Variants in DPYD observed in about 807,000 individuals in gnomAD.
The protein encoded by DPYD is dihydropyrimidine dehydrogenase [NADP(+)].
A neutral mutation model predicts 116.2 loss-of-function variants in DPYD; 109 were observed. The observed-to-expected ratio is 0.94, with a 90% confidence interval of 0.80 to 1.10. The LOEUF is 1.10. Among genes scored for constraint, DPYD ranks in the 50% least tolerant of loss-of-function variants. The probability of loss-of-function intolerance (pLI) is 0.00; values close to 1 mark genes in which losing one functional copy is unlikely to be tolerated. For missense variants in DPYD, 1,302 were observed against 1,254.5 expected (o/e 1.04, Z -0.57); for synonymous variants, 440 against 432.0 (o/e 1.02, Z -0.23).
intron 14 of DPYD, among the ~76,000 whole-genome samples, chr1:97,418,933 G>T (rs578142050): frequency 7.2e-5 from 11 of 152,142 alleles, no homozygotes; most frequent in Admixed American, 6.5e-4. Flanking sequence ...ACTGAAAAAA[G>T]GAAAAGAAAT....
intron 18 of DPYD, among the ~76,000 whole-genome samples, chr1:97,289,172 C>A (rs1047348792): frequency 6.6e-6 from 1 of 152,080 alleles, no homozygotes; most frequent in African/African-American, 2.4e-5. Context: ...CAATAACAGG[C>A]TCTGAAATTG....
intron 21 of DPYD, among the ~76,000 whole-genome samples, chr1:97,092,637 G>A (rs181350875): frequency 7.6e-4 from 115 of 152,144 alleles, no homozygotes; most frequent in Middle Eastern, 3.4e-3. Flanking sequence ...AGTGGGCGTT[G>A]GAAATGTCAG....
intron 2 of DPYD, among the ~76,000 whole-genome samples, chr1:97,870,721 C>G (rs1671612903): frequency 6.6e-6 from 1 of 151,756 alleles, no homozygotes; most frequent in Non-Finnish European, 1.5e-5. Flanking sequence ...GCCAAGTGAG[C>G]TCTATGGAGT....
At chr1:97,494,436 A>G (rs1467233919) in intron 13 of DPYD, among the ~76,000 whole-genome samples, 1 of 152,224 alleles carries the variant, frequency 6.6e-6, no homozygotes, top group East Asian at 1.9e-4. Flanking sequence ...TCATTTTAAA[A>G]GGCTTCATAG....
chr1:97,769,462 T>A (rs1246577573), intron 3 of DPYD, among the ~76,000 whole-genome samples: 3 of 152,160 alleles, frequency 2.0e-5, no homozygotes, highest in Non-Finnish European at 2.9e-5. Flanking sequence ...TATGATTTCA[T>A]TTTAAATAAT....
intron 9 of DPYD, among the ~76,000 whole-genome samples, chr1:97,594,523 T>G (rs940248338): frequency 6.6e-6 from 1 of 152,224 alleles, no homozygotes; most frequent in East Asian, 1.9e-4. Flanking sequence ...TTAGATTATC[T>G]GACTTTGGAT....
At chr1:97,830,570 G>A (rs933623670) in intron 2 of DPYD, among the ~76,000 whole-genome samples, 2 of 152,090 alleles carry the variant, frequency 1.3e-5, no homozygotes, top group Non-Finnish European at 2.9e-5. Context: ...AATTAGCTGG[G>A]CATGGTGGGT....
rs528430685 is a variant in DPYD, at chr1:97,573,871, G to T, written c.1228C>A (p.Arg410=). 7.4e-6 allele frequency: 12 copies of T among 1,613,430 alleles called. No homozygotes were observed. Among genetic ancestry groups the T allele is most frequent in the East Asian group, 2.2e-5 (1 of 44,848 alleles). Residue 410 remains arginine, a synonymous_variant, in exon 11 of 23, where the codon CGG becomes AGG. Transcript: ENST00000370192. ...TTTCCAGTTTCATCTTGCTCTGTCC[G>T]AACAAACTGCATAGCAACAATTCTC... ...GGRIVAMQFV[R]TEQDETGKWN...
rs906165704 is a variant in DPYD, at chr1:97,607,484, G to A, written c.851-12318C>T. On this transcript the variant is annotated intron_variant, in intron 8 of 22. Transcript: ENST00000370192. ...ATCTGAAGCTCAGGAGGGAAATCCC[G>A]TCTAGATAAACAGATTTGAAAATTG... Among the ~76,000 whole-genome samples the A allele has an allele frequency of 4.6e-5, 7 of 151,802 alleles. No individual in the cohort carries two copies. In the South Asian group the frequency reaches 1.2e-3, roughly 27 times the overall value.
intron 14 of DPYD, among the ~76,000 whole-genome samples, chr1:97,396,164 T>C (rs1002164228): frequency 1.3e-5 from 2 of 152,060 alleles, no homozygotes; most frequent in African/African-American, 4.8e-5. Context: ...ATGTTTAGAA[T>C]TTCACATGAC....
At chr1:97,813,475 A>G (rs1668428365) in intron 3 of DPYD, among the ~76,000 whole-genome samples, 1 of 152,126 alleles carries the variant, frequency 6.6e-6, no homozygotes, top group Admixed American at 6.6e-5. Context: ...CCCATCTAAA[A>G]GAAAAAAAAG....
chr1:97,824,698 C>T (rs1669142209), intron 3 of DPYD, among the ~76,000 whole-genome samples: 1 of 152,150 alleles, frequency 6.6e-6, no homozygotes, highest in South Asian at 2.1e-4. Flanking sequence ...TTCTTAGGCA[C>T]ATTATATTTC....
chr1:97,193,124 G>A lies in DPYD; in HGVS notation c.2567C>T (p.Thr856Ile), dbSNP rs752228747. The change falls in exon 20 of 23, where the codon ACT (threonine) becomes ATT (isoleucine). Residue 856 changes from threonine to isoleucine, a missense_variant. Transcript: ENST00000370192. ...TGGTTTCCCTTTCTGGTGACTCACAGTAGCTGGACTCTGTCCATCCCAGTC... is the reference window on the plus strand; with the variant it reads ...TGGTTTCCCTTTCTGGTGACTCACAATAGCTGGACTCTGTCCATCCCAGTC... ...LQDWDGQSPA[T>I]VSHQKGKPVP... 9.8e-5 allele frequency: 158 copies of A among 1,614,032 alleles called. 1 individual carries two copies. The highest frequency in any genetic ancestry group is 9.2e-4 in the South Asian group (84 of 91,086).
chr1:97,399,335 T>C (rs551855114), intron 14 of DPYD, among the ~76,000 whole-genome samples: 128 of 152,308 alleles, frequency 8.4e-4, no homozygotes, highest in African/African-American at 3.0e-3. Flanking sequence ...TACCATGTTG[T>C]TTTGGTTACT....
intron 11 of DPYD, among the ~76,000 whole-genome samples, chr1:97,562,980 A>T (rs1297694066): frequency 6.6e-6 from 1 of 152,120 alleles, no homozygotes; most frequent in South Asian, 2.1e-4. Context: ...CAGCCGCCCA[A>T]AGTGCTGGGA....
At chr1:97,730,109 C>A (rs150004980) in intron 4 of DPYD, among the ~76,000 whole-genome samples, 3 of 151,934 alleles carry the variant, frequency 2.0e-5, no homozygotes, top group Non-Finnish European at 2.9e-5. Flanking sequence ...ATTTTTATGA[C>A]GTGTCTTATT....
intron 18 of DPYD, among the ~76,000 whole-genome samples, chr1:97,296,601 T>C (rs749888542): frequency 1.3e-5 from 2 of 152,102 alleles, no homozygotes; most frequent in African/African-American, 4.8e-5. Flanking sequence ...GCTGTTTTGA[T>C]AAAGTATAAA....
At chr1:97,778,603 A>G (rs892760528) in intron 3 of DPYD, among the ~76,000 whole-genome samples, 1 of 152,218 alleles carries the variant, frequency 6.6e-6, no homozygotes, top group Non-Finnish European at 1.5e-5. Context: ...CAACAGGACT[A>G]TAACCTAAAA....
chr1:97,446,744 AT>A (rs1676107165), intron 14 of DPYD, among the ~76,000 whole-genome samples: 3 of 152,048 alleles, frequency 2.0e-5, no homozygotes, highest in Admixed American at 2.0e-4. Flanking sequence ...GTTAAAAAAA[AT>A]TTTCCCCGGC....
Sources: gnomAD v4.1 joint callset for allele counts (sites outside exome capture counted in the v4.1 genomes callset) on GRCh38, gnomAD v4.1.1 for gene constraint, MANE v1.5 for transcripts, NCBI Gene and HGNC (gene_info 2026-07-23, HGNC 2026-07-21) for gene names.